The following POC1A variants were observed in gnomAD, a reference collection of about 807,000 sequenced individuals.
POC1A encodes the protein POC1 centriolar protein A.
In POC1A, 34 loss-of-function variants were observed where a neutral mutation model predicts 47.8. The observed-to-expected ratio is 0.71, with a 90% CI of 0.54 to 0.95. POC1A has a LOEUF of 0.95. Among genes scored for constraint, POC1A ranks in the 40% least tolerant of loss-of-function variants. The pLI is 0.00. For synonymous variants in POC1A, 177 were observed against 207.6 expected (o/e 0.85, Z 1.27); for missense variants, 466 against 528.3 (o/e 0.88, Z 1.16).
chr3:52,124,941 C>G (rs572134578), intron 8 of POC1A, among the ~76,000 whole-genome samples, 172 bp downstream of exon 8: 2 of 152,156 alleles, frequency 1.3e-5, no homozygotes. Flanking sequence ...GTGGCAAGGC[C>G]CCTGGATCTG....
In POC1A at chr3:52,084,681, G is replaced by A. The variant is rs918157684; in HGVS notation, c.1126-8696C>T. ...ATCCCCCTGCCCCCCCAGCTCTGGGGCAGCCCCTCTTCCCAGGGGCCTCCT... is the reference window on the plus strand; with the variant it reads ...ATCCCCCTGCCCCCCCAGCTCTGGGACAGCCCCTCTTCCCAGGGGCCTCCT... On this transcript the variant is annotated intron_variant, in intron 10 of 10. Transcript: ENST00000296484. The surrounding 1 kb of genome is among the most constrained non-coding windows in gnomAD (Gnocchi z 4.3). Among the ~76,000 whole-genome samples the A allele has an allele frequency of 6.6e-6, 1 of 152,336 alleles. No homozygotes were observed. The highest frequency in any genetic ancestry group is 2.1e-4 in the South Asian group (1 of 4,832).
rs990559219 is a variant in POC1A at position 52,090,378 on chromosome 3, G to A, written c.1125+6191C>T. Among the ~76,000 whole-genome samples the A allele has an allele frequency of 6.6e-6, 1 of 152,220 alleles. No individual in the cohort carries two copies. The highest frequency in any genetic ancestry group is 2.4e-5 in the African/African-American group (1 of 41,444). On this transcript the variant is annotated intron_variant, in intron 10 of 10. Transcript: ENST00000296484. This position sits in a 1 kb window ranked among gnomAD's most constrained non-coding sequence, Gnocchi z 4.2. ...TGGGCTTCTGAGGCAAAACCACCAA[G>A]CCGCGTGTTGGGCCTATGCCGGGCC...
intron 9 of POC1A, among the ~76,000 whole-genome samples, chr3:52,121,493 ATG>A: frequency 6.6e-6 from 1 of 152,162 alleles, no homozygotes; most frequent in Non-Finnish European, 1.5e-5. Flanking sequence ...AAACGGGGGC[ATG>A]TGTGTGTGTT....
At chr3:52,135,390 G>T (rs1312167570) in intron 7 of POC1A, among the ~76,000 whole-genome samples, 1 of 152,154 alleles carries the variant, frequency 6.6e-6, no homozygotes, top group Non-Finnish European at 1.5e-5. Flanking sequence ...TTTTTGGGGG[G>T]TTTTCTGTTT....
At position 52,122,426 on chromosome 3, in the gene POC1A, T is replaced by C. The variant is rs1479681346; in HGVS notation, c.934A>G (p.Lys312Glu). 3 of 1,613,378 alleles carry C rather than the reference T, an allele frequency of 1.9e-6. No individual in the cohort carries two copies. Among genetic ancestry groups the C allele is most frequent in the African/African-American group, 2.7e-5 (2 of 74,908 alleles). Residue 312 changes from lysine (K) to glutamate (E), a missense_variant, in exon 9 of 11, where the codon AAA (lysine) becomes GAA (glutamate). Physicochemically the swap from Lys to Glu is moderately conservative, Grantham distance 56. Transcript: ENST00000296484. ...AGTGTGGCTGGGGGCCTCGGCACTT[T>C]CGTGACTTCTCCATGATCAACAATA... ...FDIVDHGEVT[K>E]VPRPPATLAS...
At chr3:52,116,619 T>C (rs779972561) in intron 9 of POC1A, among the ~76,000 whole-genome samples, 8 of 152,204 alleles carry the variant, frequency 5.3e-5, no homozygotes, top group African/African-American at 1.9e-4. Context: ...TACGATGACC[T>C]GCAGAGAGGG....
At chr3:52,129,525 T>C (rs1286363638) in intron 7 of POC1A, among the ~76,000 whole-genome samples, 1 of 152,140 alleles carries the variant, frequency 6.6e-6, no homozygotes, top group Non-Finnish European at 1.5e-5. Context: ...CCCCTGAGGA[T>C]TCCTCTGAGC....
At chr3:52,116,334 C>G (rs1284730546) in intron 9 of POC1A, among the ~76,000 whole-genome samples, 1 of 152,196 alleles carries the variant, frequency 6.6e-6, no homozygotes, top group African/African-American at 2.4e-5. Context: ...ATCAGAGGAA[C>G]TAGGAAGAAG....
intron 7 of POC1A, among the ~76,000 whole-genome samples, chr3:52,127,950 C>T (rs1419105865): frequency 1.3e-5 from 2 of 152,180 alleles, no homozygotes; most frequent in Non-Finnish European, 2.9e-5. Flanking sequence ...CCCTCCTCAG[C>T]CTCCTAAAAT....
chr3:52,130,378 A>G (rs976838956), intron 7 of POC1A, among the ~76,000 whole-genome samples: 18 of 152,192 alleles, frequency 1.2e-4, no homozygotes, highest in Admixed American at 1.3e-4. Flanking sequence ...CCCCACCAGG[A>G]GGCTCCTGCA....
chr3:52,135,722 C>A (rs1042560475), intron 7 of POC1A, among the ~76,000 whole-genome samples: 1 of 152,168 alleles, frequency 6.6e-6, no homozygotes, highest in East Asian at 1.9e-4. Context: ...CTGCCCCATA[C>A]GTACTCACAC....
intron 9 of POC1A, among the ~76,000 whole-genome samples, chr3:52,107,386 G>A (rs1486396642): frequency 1.3e-5 from 2 of 152,374 alleles, no homozygotes; most frequent in Middle Eastern, 3.4e-3. Context: ...TGCTGAGTCT[G>A]TTCTGGAGTT....
At chr3:52,093,592 C>T (rs1449892806) in intron 10 of POC1A, among the ~76,000 whole-genome samples, 1 of 152,228 alleles carries the variant, frequency 6.6e-6, no homozygotes, top group Non-Finnish European at 1.5e-5. Flanking sequence ...TTATTATCAG[C>T]TCTGTGTTCC....
chr3:52,149,989 T>G lies in POC1A; in HGVS notation c.104-2A>C. The G allele has an allele frequency of 6.2e-7, 1 of 1,611,552 alleles. No individual in the cohort carries two copies. The stretch of plus-strand genomic sequence containing the variant: ...GGCATGAGTCCATGGAGCCACTGGC[T>G]GAGGACAGTGGGTGATGCTATGACC... On this transcript the variant is annotated splice_acceptor_variant, in intron 2 of 10. Transcript: ENST00000296484. LOFTEE classifies it high-confidence loss of function.
intron 9 of POC1A, among the ~76,000 whole-genome samples, chr3:52,118,012 G>T (rs1377686559): frequency 6.6e-6 from 1 of 152,204 alleles, no homozygotes; most frequent in Non-Finnish European, 1.5e-5. Flanking sequence ...CAAGAATAGA[G>T]GGGCCAGGGC....
intron 10 of POC1A, among the ~76,000 whole-genome samples, chr3:52,076,332 A>G (rs1702115873): frequency 6.6e-6 from 1 of 152,148 alleles, no homozygotes; most frequent in Non-Finnish European, 1.5e-5. Context: ...TTTATATTGG[A>G]GTTCTGCAGC....
At chr3:52,122,518 T>G in intron 8 of POC1A, 41 bp from the exon 9 acceptor site, 1 of 1,249,998 alleles carries the variant, frequency 8.0e-7, no homozygotes, top group Non-Finnish European at 1.2e-6. Flanking sequence ...GAGAAGAAAA[T>G]CCCCTTGCCA....
At chr3:52,111,397 A>G (rs1353382187) in intron 9 of POC1A, among the ~76,000 whole-genome samples, 1 of 152,130 alleles carries the variant, frequency 6.6e-6, no homozygotes, top group African/African-American at 2.4e-5. Context: ...CTGTAATCCC[A>G]ACACTTTGGG....
chr3:52,143,301 C>G (rs541553830), intron 6 of POC1A, among the ~76,000 whole-genome samples: 67 of 152,214 alleles, frequency 4.4e-4, no homozygotes, highest in African/African-American at 1.6e-3. Flanking sequence ...CCTCCCCAAC[C>G]CTGCCATCAT....
Sources: allele counts gnomAD v4.1 joint callset (sites outside exome capture counted in the v4.1 genomes callset), GRCh38; gene constraint gnomAD v4.1.1; non-coding constraint Gnocchi (gnomAD v3.1); transcripts MANE v1.5; gene names NCBI Gene and HGNC (gene_info 2026-07-23, HGNC 2026-07-21).